Variants in RPS6KA6 observed in about 807,000 individuals in gnomAD.
RPS6KA6 encodes the protein ribosomal protein S6 kinase A6.
A neutral mutation model predicts 65.4 loss-of-function variants in RPS6KA6; 27 were observed. That is an observed-to-expected ratio of 0.41 (90% CI 0.30 to 0.57). The LOEUF (loss-of-function observed/expected upper bound fraction) is 0.57, where lower values mean the gene tolerates loss of function less well. Ranked by LOEUF, RPS6KA6 falls within the 20% of genes least tolerant of loss-of-function variation. The pLI is 0.24. For synonymous variants in RPS6KA6, 190 were observed against 184.2 expected (o/e 1.03, Z -0.26); for missense variants, 486 against 555.6 (o/e 0.87, Z 1.26).
intron 8 of RPS6KA6, among the ~76,000 whole-genome samples, chrX:84,122,982 C>T (rs368358329): frequency 8.9e-6 from 1 of 111,796 alleles, no homozygotes; most frequent in African/African-American, 3.3e-5. Flanking sequence ...AGGACTTTGT[C>T]TTGCATCTTA....
chrX:84,148,201 T>C (rs1190145462), intron 3 of RPS6KA6, 78 bp from the exon 4 acceptor site: 3 of 550,919 alleles, frequency 5.4e-6, no homozygotes, highest in Admixed American at 3.4e-5. Flanking sequence ...CACACCAGCA[T>C]ACACTTATAT....
intron 1 of RPS6KA6, among the ~76,000 whole-genome samples, chrX:84,175,165 T>A (rs965066524): frequency 1.2e-4 from 13 of 111,368 alleles, no homozygotes; most frequent in Non-Finnish European, 2.3e-4. Flanking sequence ...AGAAAAAAAA[T>A]GTTAGAAATT....
At chrX:84,145,825 T>C (rs986865901) in intron 5 of RPS6KA6, among the ~76,000 whole-genome samples, 3 of 110,953 alleles carry the variant, frequency 2.7e-5, no homozygotes, top group African/African-American at 9.8e-5. Flanking sequence ...TATACTGCAA[T>C]TGCCTAAACT....
intron 20 of RPS6KA6, among the ~76,000 whole-genome samples, chrX:84,074,987 C>T (rs2033631393): frequency 8.9e-6 from 1 of 111,969 alleles, no homozygotes; most frequent in South Asian, 3.7e-4. Flanking sequence ...GTAATCGCAG[C>T]ACTTTGGGAG....
intron 8 of RPS6KA6, among the ~76,000 whole-genome samples, chrX:84,121,130 G>A (rs1040644351): frequency 8.9e-6 from 1 of 112,336 alleles, no homozygotes; most frequent in Non-Finnish European, 1.9e-5. Flanking sequence ...GATTTTGTCT[G>A]CAGGAAGCGT....
chrX:84,171,822 C>A (rs2035688257), intron 1 of RPS6KA6, among the ~76,000 whole-genome samples: 1 of 110,856 alleles, frequency 9.0e-6, no homozygotes, highest in Admixed American at 9.6e-5. Flanking sequence ...CGAATACTCT[C>A]CCCGCCCTTT....
chrX:84,133,401 TA>T lies in RPS6KA6; in HGVS notation c.646+1380del, dbSNP rs1034173058. The stretch of plus-strand genomic sequence containing the variant: ...TTGCAAGGAAAATAAATTGAATTGT[TA>T]AAAAAAATTATAAATCACATTTCTT... On this transcript the variant is annotated intron_variant, in intron 8 of 21. Coordinates refer to ENST00000262752, the MANE Select transcript of RPS6KA6 (RefSeq NM_014496.5). Among the ~76,000 whole-genome samples, 79 of 111,687 alleles carry T rather than the reference TA, an allele frequency of 7.1e-4. 1 individual carries two copies. Among genetic ancestry groups the T allele is most frequent in the Admixed American group, 1.1e-3 (12 of 10,481 alleles).
rs756650484 is a variant in RPS6KA6, at chrX:84,187,854, C to T, written c.46G>A (p.Glu16Lys). ...CTCGCGCCGCCGCCGCTGAACACTT[C>T]CATTTCTCGGTCCCAGGGCTCGTCC... ...PQDEPWDREM[E>K]VFSGGGASSG... Residue 16 changes from glutamate (E) to lysine (K), a missense_variant, in exon 1 of 22, where the codon GAA becomes AAA. Physicochemically the swap from Glu to Lys is moderately conservative, Grantham distance 56. Around this residue, in one of 3 missense-constraint regions of RPS6KA6, gnomAD observed 106 missense variants for 105.0 expected, o/e 1.01. Transcript: ENST00000262752. 14 of 1,205,210 alleles carry T rather than the reference C, an allele frequency of 1.2e-5. No homozygotes were observed. The highest frequency in any genetic ancestry group is 1.3e-5 in the Non-Finnish European group (12 of 892,481).
intron 1 of RPS6KA6, among the ~76,000 whole-genome samples, chrX:84,184,829 C>CAAAAAAAAA (rs11445430): frequency 2.0e-4 from 4 of 20,048 alleles, no homozygotes; most frequent in East Asian, 2.9e-3. Context: ...GACCCTGACT[C>CAAAAAAAAA]AAAAAAAAAA....
chrX:84,146,579 A>G (rs1274238690), intron 5 of RPS6KA6, among the ~76,000 whole-genome samples: 1 of 111,803 alleles, frequency 8.9e-6, no homozygotes, highest in African/African-American at 3.2e-5. Context: ...GTAGACTAAC[A>G]TAACTACATG....
intron 20 of RPS6KA6, among the ~76,000 whole-genome samples, chrX:84,082,605 G>T (rs999200870): frequency 2.7e-5 from 3 of 110,990 alleles, no homozygotes; most frequent in African/African-American, 9.8e-5. Context: ...ACTTTAAATT[G>T]CATATGGAAG....
chrX:84,095,525 A>C (rs1255429943), intron 20 of RPS6KA6, among the ~76,000 whole-genome samples: 2 of 111,981 alleles, frequency 1.8e-5, no homozygotes, highest in Non-Finnish European at 3.8e-5. Flanking sequence ...TGGGTAGTCC[A>C]TATTCACACG....
At chrX:84,075,901 G>A (rs752161268) in intron 20 of RPS6KA6, among the ~76,000 whole-genome samples, 21 of 111,674 alleles carry the variant, frequency 1.9e-4, no homozygotes, top group East Asian at 2.8e-4. Flanking sequence ...AAAACAAAGC[G>A]TCAAAATACA....
intron 12 of RPS6KA6, among the ~76,000 whole-genome samples, chrX:84,114,839 A>G: frequency 8.9e-6 from 1 of 112,073 alleles, no homozygotes; most frequent in East Asian, 2.8e-4. Flanking sequence ...TACAAAATCT[A>G]CAACAATAAA....
chrX:84,110,595 A>G (rs1232556520), intron 12 of RPS6KA6, among the ~76,000 whole-genome samples: 1 of 112,004 alleles, frequency 8.9e-6, no homozygotes, highest in African/African-American at 3.3e-5. Flanking sequence ...TAAAAACCTG[A>G]CTAAGAAGTG....
rs372508965 is a variant in RPS6KA6 at position 84,117,397 on chromosome X, T to G, written c.847A>C (p.Asn283His). The G allele has an allele frequency of 1.4e-5, 16 of 1,131,962 alleles. No homozygotes were observed. In the African/African-American group the frequency reaches 2.4e-4, roughly 17 times the overall value. 93.3% of individuals were successfully genotyped at this position (1,131,962 alleles called of 1,213,427 possible). Residue 283 changes from asparagine to histidine, a missense_variant, in exon 10 of 22, where the codon AAT (asparagine) becomes CAT (histidine). Asn to His is a moderately conservative substitution (Grantham distance 68). Transcript: ENST00000262752. ...FQGKDRNETM[N>H]MILKAKLGMP... Reference sequence around the variant, plus strand: ...GTTTACACTTACTTTAATATCATATTCATGGTCTCATTTCTGTCTTTACCT... The same window carrying G: ...GTTTACACTTACTTTAATATCATATGCATGGTCTCATTTCTGTCTTTACCT...
chrX:84,109,561 A>C (rs2034429680), intron 12 of RPS6KA6, among the ~76,000 whole-genome samples: 1 of 110,396 alleles, frequency 9.1e-6, no homozygotes, highest in Admixed American at 9.6e-5. Flanking sequence ...GCCCAGCCCC[A>C]CAGGTCTGCA....
At chrX:84,080,946 T>C (rs2033784970) in intron 20 of RPS6KA6, among the ~76,000 whole-genome samples, 2 of 111,545 alleles carry the variant, frequency 1.8e-5, no homozygotes, top group Admixed American at 9.5e-5. Context: ...AAATACACAA[T>C]GTACCAGAAT....
chrX:84,127,562 C>T (rs1390915788), intron 8 of RPS6KA6, among the ~76,000 whole-genome samples: 1 of 110,681 alleles, frequency 9.0e-6, no homozygotes, highest in Admixed American at 9.6e-5. Context: ...ATGCAAAAAT[C>T]CTCAACAAGA....
Sources: gnomAD v4.1 joint callset for allele counts (sites outside exome capture counted in the v4.1 genomes callset) on GRCh38, gnomAD v4.1.1 for gene constraint, gnomAD v4.1.1 regional missense constraint, MANE v1.5 for transcripts, NCBI Gene and HGNC (gene_info 2026-07-23, HGNC 2026-07-21) for gene names.